The following RBM47 variants were observed in gnomAD, a reference collection of about 807,000 sequenced individuals.
RBM47 encodes the protein RNA-binding protein 47.
RBM47 carries 21 observed loss-of-function variants against 47.1 expected under a neutral mutation model. That is an observed-to-expected ratio of 0.45 (90% CI 0.32 to 0.64). The LOEUF is 0.64. Among genes scored for constraint, RBM47 ranks in the 30% least tolerant of loss-of-function variants. The pLI is 0.05. For synonymous variants in RBM47, 375 were observed against 361.7 expected, an observed-to-expected ratio of 1.04 and a Z score of -0.42; for missense variants, 708 against 870.9, an observed-to-expected ratio of 0.81 and a Z score of 2.35.
At chr4:40,429,730 C>T (rs1343902387) in intron 6 of RBM47, among the ~76,000 whole-genome samples, 3 of 136,502 alleles carry the variant, frequency 2.2e-5, no homozygotes, top group Non-Finnish European at 3.1e-5. Flanking sequence ...GCCTCTAATT[C>T]AGGTGAAGAG....
intron 1 of RBM47, among the ~76,000 whole-genome samples, chr4:40,596,624 T>C (rs1734781058): frequency 6.6e-6 from 1 of 152,162 alleles, no homozygotes; most frequent in African/African-American, 2.4e-5. Context: ...GACAATGAAA[T>C]TTGACTTTCA....
chr4:40,438,080 C>T lies in RBM47; in HGVS notation c.814G>A (p.Gly272Ser), dbSNP rs757608576. Reference protein sequence around the residue: ...IKKSFGQFNPGCVERVKKIRD... With the variant: ...IKKSFGQFNPSCVERVKKIRD... ...ATCTTCTTGACGCGCTCCACGCAGC[C>T]GGGGTTGAACTGGCCGAAGCTCTTC... is the stretch of plus-strand genomic sequence containing the variant. The change falls in exon 4 of 7, where the codon GGC becomes AGC. Residue 272 changes from glycine to serine, a missense_variant. Gly to Ser is a moderately conservative substitution (Grantham distance 56, BLOSUM62 0). Transcript: ENST00000295971. The T allele has an allele frequency of 1.2e-6, 2 of 1,613,698 alleles. No individual in the cohort carries two copies. The highest frequency in any genetic ancestry group is 1.3e-5 in the African/African-American group (1 of 74,908).
chr4:40,468,455 G>C (rs1389128840), intron 2 of RBM47, among the ~76,000 whole-genome samples: 1 of 152,170 alleles, frequency 6.6e-6, no homozygotes, highest in African/African-American at 2.4e-5. Context: ...GTTGCTGGTT[G>C]AAGTATAGGT....
intron 2 of RBM47, among the ~76,000 whole-genome samples, chr4:40,497,619 T>G (rs1471077069): frequency 6.6e-6 from 1 of 151,282 alleles, no homozygotes; most frequent in Non-Finnish European, 1.5e-5. Context: ...TTTAAAAAAT[T>G]TTAAATAAAT....
intron 2 of RBM47, among the ~76,000 whole-genome samples, chr4:40,481,675 T>C (rs568540247): frequency 5.1e-4 from 78 of 151,630 alleles, no homozygotes; most frequent in African/African-American, 1.8e-3. Flanking sequence ...CTTCAGCCTC[T>C]AGAGTAACCG....
chr4:40,427,185 C>T (rs1242335427), intron 6 of RBM47: 1 of 152,158 alleles, frequency 6.6e-6, no homozygotes, highest in East Asian at 1.9e-4. Flanking sequence ...CCATCACCTC[C>T]CACCTAAGAG....
chr4:40,500,370 G>C (rs1020532092), intron 2 of RBM47, among the ~76,000 whole-genome samples: 5 of 152,054 alleles, frequency 3.3e-5, no homozygotes, highest in Non-Finnish European at 7.3e-5. Context: ...CCAGCACTTC[G>C]GGAGGCCGAG....
At chr4:40,497,156 C>A (rs1255102437) in intron 2 of RBM47, among the ~76,000 whole-genome samples, 7 of 152,156 alleles carry the variant, frequency 4.6e-5, no homozygotes, top group Admixed American at 4.6e-4. Flanking sequence ...TGAATCCCAG[C>A]TGGCCTTAAC....
intron 1 of RBM47, among the ~76,000 whole-genome samples, chr4:40,576,910 A>G (rs529996048): frequency 6.6e-6 from 1 of 152,344 alleles, no homozygotes; most frequent in African/African-American, 2.4e-5. Flanking sequence ...ATAGGATGAC[A>G]TTAAATAACT....
At chr4:40,583,517 G>A (rs1282585101) in intron 1 of RBM47, among the ~76,000 whole-genome samples, 3 of 151,506 alleles carry the variant, frequency 2.0e-5, no homozygotes, top group African/African-American at 7.3e-5. Context: ...CCTGGGCAAT[G>A]TAGTGAGACC....
intron 2 of RBM47, among the ~76,000 whole-genome samples, chr4:40,515,554 CAA>C (rs1725474204): frequency 6.6e-6 from 1 of 152,174 alleles, no homozygotes; most frequent in Non-Finnish European, 1.5e-5. Flanking sequence ...CTCCAATCCC[CAA>C]GAGAGTGCTC....
intron 1 of RBM47, among the ~76,000 whole-genome samples, chr4:40,613,484 G>A (rs978384799): frequency 6.6e-6 from 1 of 152,210 alleles, no homozygotes. Flanking sequence ...ACTACGAAAT[G>A]ACTTTTCTAG....
intron 1 of RBM47, among the ~76,000 whole-genome samples, chr4:40,562,101 C>G (rs555796660): frequency 1.3e-5 from 2 of 152,086 alleles, no homozygotes; most frequent in Non-Finnish European, 2.9e-5. Context: ...AGGAAACATA[C>G]CCCCAAGTGA....
chr4:40,532,166 A>C (rs1403516935), intron 2 of RBM47, among the ~76,000 whole-genome samples: 2 of 151,592 alleles, frequency 1.3e-5, no homozygotes, highest in African/African-American at 4.8e-5. Context: ...GGGAGCCACC[A>C]TGCCCGGCTA....
At chr4:40,437,090 A>AATATATATAT (rs1247522305) in intron 4 of RBM47, among the ~76,000 whole-genome samples, 3 of 49,804 alleles carry the variant, frequency 6.0e-5, no homozygotes, top group Non-Finnish European at 6.6e-5. Flanking sequence ...AAAAAAAAAA[A>AATATATATAT]ATATATATAT....
chr4:40,431,994 G>A (rs1716169960), intron 6 of RBM47, among the ~76,000 whole-genome samples: 1 of 149,558 alleles, frequency 6.7e-6, no homozygotes, highest in Non-Finnish European at 1.5e-5. Flanking sequence ...GGGACTACAG[G>A]CATATGCCAC....
chr4:40,539,577 T>C (rs1728293796), intron 2 of RBM47, among the ~76,000 whole-genome samples: 2 of 151,478 alleles, frequency 1.3e-5, no homozygotes, highest in African/African-American at 4.8e-5. Flanking sequence ...ACGTCTCTAC[T>C]AAAAATACAA....
chr4:40,448,068 G>A lies in RBM47; in HGVS notation c.-31-9144C>T, dbSNP rs186405019. On this transcript the variant is annotated intron_variant, in intron 3 of 6. Coordinates refer to ENST00000295971, the MANE Select transcript of RBM47 (RefSeq NM_001098634.2). ...AACAAGTAGCCAGGCATGGTGGCGG[G>A]TGCCTGTAATCTCAGCTACTCGGGA... Among the ~76,000 whole-genome samples, 782 of 151,468 alleles carry A rather than the reference G, an allele frequency of 5.2e-3. 5 individuals are homozygous for A. The highest frequency in any genetic ancestry group is 8.3e-3 in the Non-Finnish European group (562 of 67,938).
intron 2 of RBM47, among the ~76,000 whole-genome samples, chr4:40,536,420 A>G (rs1425596494): frequency 3.9e-5 from 6 of 152,224 alleles, no homozygotes; most frequent in African/African-American, 9.6e-5. Flanking sequence ...CAACGCTGAC[A>G]TTAGCTACCA....
Sources: allele counts gnomAD v4.1 joint callset (sites outside exome capture counted in the v4.1 genomes callset), GRCh38; gene constraint gnomAD v4.1.1; transcripts MANE v1.5; gene names NCBI Gene and HGNC (gene_info 2026-07-23, HGNC 2026-07-21).